The following SLC35F4 variants were observed in gnomAD, a reference collection of about 807,000 sequenced individuals.
SLC35F4 encodes solute carrier family 35 member F4.
In SLC35F4, 24 loss-of-function variants were observed where a neutral mutation model predicts 44.2. That is an observed-to-expected ratio of 0.54 (90% confidence interval 0.39 to 0.76). SLC35F4 has a LOEUF of 0.76. Ranked by LOEUF, SLC35F4 falls within the 30% of genes least tolerant of loss-of-function variation. The pLI, the probability that SLC35F4 is intolerant of heterozygous loss-of-function variation, is 0.00. For synonymous variants in SLC35F4, 238 were observed against 223.6 expected (o/e 1.06, Z -0.57); for missense variants, 562 against 586.1 (o/e 0.96, Z 0.42).
At chr14:57,880,083 AGG>A (rs2141032097) in intron 1 of SLC35F4, among the ~76,000 whole-genome samples, 1 of 116,122 alleles carries the variant, frequency 8.6e-6, no homozygotes, top group South Asian at 2.5e-4. Context: ...GAAGGAAGGA[AGG>A]AAGGAAGGAA....
chr14:57,975,875 C>A (rs1258627035), downstream of SLC35F4, among the ~76,000 whole-genome samples: 1 of 152,134 alleles, frequency 6.6e-6, no homozygotes, highest in Non-Finnish European at 1.5e-5. Flanking sequence ...TTGTCAGAGG[C>A]AAGGTGAATG....
At chr14:57,676,469 A>T (rs1314674743) in intron 1 of SLC35F4, among the ~76,000 whole-genome samples, 1 of 152,092 alleles carries the variant, frequency 6.6e-6, no homozygotes, top group South Asian at 2.1e-4. Flanking sequence ...CTATGCCTGC[A>T]GGGCTTAATA....
chr14:57,586,251 G>A (rs2069711650), intron 3 of SLC35F4, among the ~76,000 whole-genome samples: 1 of 152,156 alleles, frequency 6.6e-6, no homozygotes, highest in African/African-American at 2.4e-5. Context: ...TTAATAAATG[G>A]TGTTGGGAAA....
At chr14:57,863,978 T>C (rs1184670850) in intron 1 of SLC35F4, among the ~76,000 whole-genome samples, 3 of 152,346 alleles carry the variant, frequency 2.0e-5, no homozygotes, top group East Asian at 1.9e-4. Flanking sequence ...AAATGAAGCA[T>C]GTGCAGCTAT....
intron 1 of SLC35F4, among the ~76,000 whole-genome samples, chr14:57,699,145 A>T (rs1314469005): frequency 6.6e-6 from 1 of 152,216 alleles, no homozygotes; most frequent in Admixed American, 6.5e-5. Flanking sequence ...GTTTAATAGC[A>T]TATAGAATAC....
chr14:57,790,735 T>C (rs1177341144), intron 1 of SLC35F4, among the ~76,000 whole-genome samples: 1 of 152,118 alleles, frequency 6.6e-6, no homozygotes, highest in Admixed American at 6.6e-5. Context: ...CTTCAAACTA[T>C]ACCACAGGGC....
At chr14:57,667,521 T>C (rs922352955) in intron 1 of SLC35F4, among the ~76,000 whole-genome samples, 4 of 144,426 alleles carry the variant, frequency 2.8e-5, no homozygotes, top group African/African-American at 1.0e-4. Flanking sequence ...TGTGTGATGT[T>C]CCCCTTCCTG....
rs145634165 is a variant in SLC35F4, at chr14:57,694,867, A to G, written c.104-100743T>C. 3.3e-5 allele frequency among the ~76,000 whole-genome samples: 5 copies of G among 152,302 alleles called. No homozygotes were observed. In the East Asian group the frequency reaches 7.7e-4, roughly 23 times the overall value. On this transcript the variant is annotated intron_variant, in intron 1 of 7. Coordinates refer to ENST00000556826, the MANE Select transcript of SLC35F4 (RefSeq NM_001306087.2). ...TTTAGAATTACAATTACCTAATTGTATATTTCTAATATAGTAGCCTTGATA... is the reference window on the plus strand; with the variant it reads ...TTTAGAATTACAATTACCTAATTGTGTATTTCTAATATAGTAGCCTTGATA...
At chr14:57,774,033 T>A (rs1023006891) in intron 1 of SLC35F4, among the ~76,000 whole-genome samples, 2 of 152,030 alleles carry the variant, frequency 1.3e-5, no homozygotes, top group Non-Finnish European at 2.9e-5. Flanking sequence ...ATCCATGTAT[T>A]AAAAAGTAGT....
intron 1 of SLC35F4, among the ~76,000 whole-genome samples, chr14:57,960,944 C>G (rs552232972): frequency 8.5e-5 from 13 of 152,250 alleles, no homozygotes; most frequent in African/African-American, 2.6e-4. Flanking sequence ...ATACTGCCAG[C>G]CTTTCTGCAA....
chr14:57,949,266 T>C (rs2141079085), intron 1 of SLC35F4, among the ~76,000 whole-genome samples: 2 of 152,320 alleles, frequency 1.3e-5, no homozygotes, highest in South Asian at 4.1e-4. Context: ...ACTAATCCTT[T>C]TGTCTTTATA....
chr14:57,921,920 C>A (rs1046390149), intron 1 of SLC35F4, among the ~76,000 whole-genome samples: 1 of 152,116 alleles, frequency 6.6e-6, no homozygotes, highest in African/African-American at 2.4e-5. Flanking sequence ...CCCGCAACAA[C>A]CACTTTGCAA....
intron 1 of SLC35F4, among the ~76,000 whole-genome samples, chr14:57,682,003 T>A (rs1460456428): frequency 6.6e-6 from 1 of 152,198 alleles, no homozygotes; most frequent in African/African-American, 2.4e-5. Flanking sequence ...CAACAGATGC[T>A]GGTGAGGATA....
At chr14:57,695,352 T>C (rs1021401557) in intron 1 of SLC35F4, among the ~76,000 whole-genome samples, 1 of 151,362 alleles carries the variant, frequency 6.6e-6, no homozygotes, top group Non-Finnish European at 1.5e-5. Flanking sequence ...CATCAAAAAG[T>C]GGGCGAAGCA....
intron 1 of SLC35F4, among the ~76,000 whole-genome samples, chr14:57,799,757 T>C (rs575098523): frequency 6.6e-6 from 1 of 151,958 alleles, no homozygotes; most frequent in East Asian, 1.9e-4. Flanking sequence ...TCAGGATGCT[T>C]CTTTAAGCAG....
At chr14:57,738,511 C>T (rs976431951) in intron 1 of SLC35F4, among the ~76,000 whole-genome samples, 1 of 151,902 alleles carries the variant, frequency 6.6e-6, no homozygotes, top group Non-Finnish European at 1.5e-5. Flanking sequence ...CTGGTTCCTG[C>T]CACATACTGT....
At chr14:57,744,035 G>A (rs1448356357) in intron 1 of SLC35F4, among the ~76,000 whole-genome samples, 1 of 152,112 alleles carries the variant, frequency 6.6e-6, no homozygotes, top group Admixed American at 6.6e-5. Flanking sequence ...AGCTCTTCAT[G>A]CTAAAAACTC....
rs1199316249 is a variant in SLC35F4 at position 57,569,904 on chromosome 14, T to C, written c.1010A>G (p.Asn337Ser). 2 of 1,612,656 alleles carry C rather than the reference T, an allele frequency of 1.2e-6. No homozygotes were observed. Among genetic ancestry groups the C allele is most frequent in the African/African-American group, 1.3e-5 (1 of 74,984 alleles). ...TGGGGTGAAGGAGATGAAGATCAAA[T>C]TGAAGAAACCCAAGGTGGAGACAAA... The part of the protein sequence containing the change: ...AHFVSTLGFF[N>S]LIFISFTPVI... Residue 337 changes from asparagine to serine, a missense_variant, in exon 6 of 8, where the codon AAT becomes AGT. Asn to Ser is a conservative substitution (Grantham distance 46). Transcript: ENST00000556826.
At chr14:57,600,572 GTCCCA>G (rs2070753605) in intron 1 of SLC35F4, among the ~76,000 whole-genome samples, 3 of 145,374 alleles carry the variant, frequency 2.1e-5, no homozygotes, top group African/African-American at 7.6e-5. Flanking sequence ...GGCGCCTGTA[GTCCCA>G]GCTACCTGGG....
Sources: allele counts gnomAD v4.1 joint callset (sites outside exome capture counted in the v4.1 genomes callset), GRCh38; gene constraint gnomAD v4.1.1; transcripts MANE v1.5; gene names NCBI Gene and HGNC (gene_info 2026-07-23, HGNC 2026-07-21).